The following ARHGAP15 variants were observed in gnomAD, a reference collection of about 807,000 sequenced individuals.
ARHGAP15 encodes rho GTPase-activating protein 15.
A neutral mutation model predicts 63.7 loss-of-function variants in ARHGAP15; 51 were observed. That is an observed-to-expected ratio of 0.80 (90% CI 0.64 to 1.01). The LOEUF (loss-of-function observed/expected upper bound fraction) is 1.01, where lower values mean the gene tolerates loss of function less well. ARHGAP15 is among the 50% of genes least tolerant of loss of function. The probability of loss-of-function intolerance (pLI) is 0.00; values close to 1 mark genes in which losing one functional copy is unlikely to be tolerated. For synonymous variants in ARHGAP15, 191 were observed against 193.8 expected, an observed-to-expected ratio of 0.99 and a Z score of 0.12; for missense variants, 560 against 564.6, an observed-to-expected ratio of 0.99 and a Z score of 0.08.
intron 6 of ARHGAP15, among the ~76,000 whole-genome samples, chr2:143,283,450 T>G (rs1023680348): frequency 1.3e-5 from 2 of 152,184 alleles, no homozygotes; most frequent in African/African-American, 2.4e-5. Flanking sequence ...TTTTACAAAA[T>G]AGCAACATGC....
chr2:143,326,200 G>A (rs1240751129), intron 6 of ARHGAP15, among the ~76,000 whole-genome samples: 1 of 152,100 alleles, frequency 6.6e-6, no homozygotes, highest in Admixed American at 6.6e-5. Context: ...CATTTTTATG[G>A]TACTTTATTA....
At chr2:143,145,942 C>T (rs1407690598) in intron 1 of ARHGAP15, among the ~76,000 whole-genome samples, 1 of 147,004 alleles carries the variant, frequency 6.8e-6, no homozygotes, top group Non-Finnish European at 1.5e-5. Flanking sequence ...TATCTCACAC[C>T]AAACACAAAC....
At chr2:143,241,868 G>A (rs1306646428) in intron 5 of ARHGAP15, among the ~76,000 whole-genome samples, 2 of 152,160 alleles carry the variant, frequency 1.3e-5, no homozygotes, top group Non-Finnish European at 2.9e-5. Context: ...GATGGGCAGT[G>A]GTACAGGGAT....
chr2:143,714,197 C>T (rs1684707919), intron 13 of ARHGAP15, among the ~76,000 whole-genome samples: 1 of 152,248 alleles, frequency 6.6e-6, no homozygotes, highest in Non-Finnish European at 1.5e-5. Context: ...CAATTCATGA[C>T]TTCTGTGCAT....
rs1697454340 is a variant in ARHGAP15 at position 143,594,926 on chromosome 2, T to C, written c.1004-29207T>C. ...TGTCAGCAGCATCAAAGTTAACATC[T>C]ATAATCACCCCCTGCTTACATTGTT... On this transcript the variant is annotated intron_variant, in intron 11 of 13. Transcript: ENST00000295095. Among the ~76,000 whole-genome samples the C allele has an allele frequency of 2.0e-5, 3 of 152,158 alleles. No individual in the cohort carries two copies. In the South Asian group the frequency reaches 6.2e-4, roughly 31 times the overall value.
intron 10 of ARHGAP15, among the ~76,000 whole-genome samples, chr2:143,521,558 C>A (rs1011185063): frequency 6.6e-6 from 1 of 152,182 alleles, no homozygotes; most frequent in African/African-American, 2.4e-5. Context: ...GGCGCCAAGT[C>A]TCTCAGCATG....
intron 6 of ARHGAP15, among the ~76,000 whole-genome samples, chr2:143,341,942 T>C (rs1378575716): frequency 6.6e-6 from 1 of 152,160 alleles, no homozygotes; most frequent in Non-Finnish European, 1.5e-5. Context: ...TAAAAAGTTA[T>C]ATAGTTTCAA....
At chr2:143,765,146 T>TGTGTGTGG (rs1491030307) in intron 13 of ARHGAP15, among the ~76,000 whole-genome samples, 1 of 147,194 alleles carries the variant, frequency 6.8e-6, no homozygotes, top group African/African-American at 2.5e-5. Flanking sequence ...TGTGTGTGTG[T>TGTGTGTGG]GGTAAAATTA....
At chr2:143,375,757 T>C (rs191522115) in intron 6 of ARHGAP15, among the ~76,000 whole-genome samples, 43 of 152,332 alleles carry the variant, frequency 2.8e-4, no homozygotes, top group Admixed American at 2.6e-3. Flanking sequence ...GTGTTCTTAC[T>C]GAAAACTTCT....
At position 143,703,499 on chromosome 2, in the gene ARHGAP15, A is replaced by G. The variant is rs761476408; in HGVS notation, c.1219A>G (p.Lys407Glu). 15 of 1,612,536 alleles carry G rather than the reference A, an allele frequency of 9.3e-6. No homozygotes were observed. The highest frequency in any genetic ancestry group is 1.7e-5 in the Admixed American group (1 of 59,814). Residue 407 changes from lysine to glutamate, a missense_variant, in exon 13 of 14, where the codon AAA becomes GAA. Physicochemically the swap from Lys to Glu is moderately conservative, Grantham distance 56. Transcript: ENST00000295095. ...KLPPPNRDTMKVLFGHLTKIV... is the reference protein window; with the variant it reads ...KLPPPNRDTMEVLFGHLTKIV... ...CCCTCCGCCAAATCGTGACACCATG[A>G]AAGTCCTCTTTGGACATCTAACTAA...
chr2:143,429,841 G>A (rs527431253), intron 6 of ARHGAP15, among the ~76,000 whole-genome samples: 2 of 152,238 alleles, frequency 1.3e-5, no homozygotes, highest in East Asian at 3.9e-4. Context: ...CCCTAAGAAA[G>A]TATAAAACAT....
chr2:143,241,910 T>C (rs13035017), intron 5 of ARHGAP15, among the ~76,000 whole-genome samples: 24,450 of 152,108 alleles, frequency 0.16, 2,081 homozygotes, highest in Middle Eastern at 0.24. Flanking sequence ...TACAATGAGC[T>C]TCAAAGAGAC....
intron 5 of ARHGAP15, chr2:143,247,309 C>T (rs1051388360): frequency 6.6e-6 from 1 of 152,476 alleles, no homozygotes; most frequent in Non-Finnish European, 1.5e-5. Context: ...CTGCCCAGCC[C>T]TCCGCCACTG....
chr2:143,440,136 A>T lies in ARHGAP15; in HGVS notation c.703+3094A>T, dbSNP rs1478858647. 3.3e-5 allele frequency among the ~76,000 whole-genome samples: 5 copies of T among 152,062 alleles called. No individual in the cohort carries two copies. The East Asian group carries it at 7.7e-4, about 23-fold the overall frequency. On this transcript the variant is annotated intron_variant, in intron 8 of 13. Coordinates refer to ENST00000295095, the MANE Select transcript of ARHGAP15 (RefSeq NM_018460.4). ...AAGTTCATTCAATATGTATGTATTC[A>T]TTTTCATTTGAAAGGCATAATGATT...
At position 143,169,805 on chromosome 2, in the gene ARHGAP15, T is replaced by A. The variant is rs191279935; in HGVS notation, c.165+14150T>A. Among the ~76,000 whole-genome samples, 712 of 151,206 alleles carry A rather than the reference T, an allele frequency of 4.7e-3. 13 individuals carry two copies. The highest frequency in any genetic ancestry group is 6.0e-3 in the Non-Finnish European group (403 of 67,632). ...CAATCAGAACTATCAGTGGCCAGTG[T>A]CGTAGAGGTAGTAATGCTTTTGTTT... On this transcript the variant is annotated intron_variant, in intron 2 of 13. Coordinates refer to ENST00000295095, the MANE Select transcript of ARHGAP15 (RefSeq NM_018460.4).
chr2:143,421,150 T>G (rs555060969), intron 6 of ARHGAP15, among the ~76,000 whole-genome samples: 3 of 151,990 alleles, frequency 2.0e-5, no homozygotes, highest in African/African-American at 7.2e-5. Context: ...TTTCTTCTTT[T>G]ATAAAGGAAC....
intron 6 of ARHGAP15, among the ~76,000 whole-genome samples, chr2:143,362,760 C>G (rs1160472610): frequency 6.6e-6 from 1 of 152,146 alleles, no homozygotes; most frequent in Non-Finnish European, 1.5e-5. Context: ...ATCTAGGATT[C>G]ATTCGTGACT....
intron 1 of ARHGAP15, among the ~76,000 whole-genome samples, chr2:143,133,890 C>A (rs536987798): frequency 4.1e-4 from 62 of 152,130 alleles, no homozygotes; most frequent in South Asian, 2.1e-3. Flanking sequence ...CATAACTGCA[C>A]GCACCTCTCC....
chr2:143,184,093 C>T (rs1217396400), intron 2 of ARHGAP15, among the ~76,000 whole-genome samples: 1 of 152,166 alleles, frequency 6.6e-6, no homozygotes, highest in Non-Finnish European at 1.5e-5. Context: ...TGTTGCTCTG[C>T]TTGCTTATAT....
Sources: gnomAD v4.1 joint callset for allele counts (sites outside exome capture counted in the v4.1 genomes callset) on GRCh38, gnomAD v4.1.1 for gene constraint, MANE v1.5 for transcripts, NCBI Gene and HGNC (gene_info 2026-07-23, HGNC 2026-07-21) for gene names.